Variants in EDN1 observed in about 807,000 individuals in gnomAD.
EDN1 encodes the protein endothelin-1.
Under a neutral mutation model 21.7 loss-of-function variants are expected in EDN1, and 11 were observed. That is an observed-to-expected ratio of 0.51 (90% confidence interval 0.32 to 0.84). EDN1 has a LOEUF of 0.84. Ranked by LOEUF, EDN1 falls within the 40% of genes least tolerant of loss-of-function variation. The pLI is 0.03. For missense variants in EDN1, 244 were observed against 262.3 expected, an observed-to-expected ratio of 0.93 and a Z score of 0.48; for synonymous variants, 85 against 90.6, an observed-to-expected ratio of 0.94 and a Z score of 0.35.
the EDN1 span, among the ~76,000 whole-genome samples, chr6:12,270,568 A>G: frequency 5.9e-5 from 9 of 152,048 alleles, no homozygotes; most frequent in African/African-American, 2.2e-4. Context: ...TAATTTCTAT[A>G]TATTTGTATG....
At chr6:12,282,432 C>A in the EDN1 span, among the ~76,000 whole-genome samples, 1 of 152,178 alleles carries the variant, frequency 6.6e-6, no homozygotes, top group Non-Finnish European at 1.5e-5. Context: ...TCATGAGATC[C>A]TTTCCACTTT....
the EDN1 span, among the ~76,000 whole-genome samples, chr6:12,273,105 G>A: frequency 6.6e-6 from 1 of 152,210 alleles, no homozygotes; most frequent in African/African-American, 2.4e-5. Flanking sequence ...GGGAACCCAT[G>A]GTGTGCACTG....
the EDN1 span, among the ~76,000 whole-genome samples, chr6:12,233,788 AAT>A: frequency 1.3e-5 from 2 of 152,160 alleles, no homozygotes; most frequent in African/African-American, 4.8e-5. Context: ...TGGGCTTTGA[AAT>A]ACCTTGGGGT....
chr6:12,255,515 A>G, the EDN1 span, among the ~76,000 whole-genome samples: 7 of 152,250 alleles, frequency 4.6e-5, no homozygotes, highest in African/African-American at 1.2e-4. Context: ...GAAGTCTAAT[A>G]TCACCATGAC....
chr6:12,292,215 G>T (rs1762700313), intron 1 of EDN1, 126 bp from the exon 2 acceptor site: 2 of 1,347,506 alleles, frequency 1.5e-6, no homozygotes, highest in Admixed American at 3.5e-5. Context: ...TGTGTTTCTT[G>T]CTGATGGCAG....
the EDN1 span, among the ~76,000 whole-genome samples, chr6:12,281,210 T>C: frequency 6.6e-5 from 10 of 152,332 alleles, no homozygotes; most frequent in Middle Eastern, 6.8e-3. Context: ...TTCCATAAAT[T>C]GGATTTTGAT....
chr6:12,240,781 C>A, the EDN1 span, among the ~76,000 whole-genome samples: 1 of 152,144 alleles, frequency 6.6e-6, no homozygotes, highest in Non-Finnish European at 1.5e-5. Flanking sequence ...TTCTGTGAAC[C>A]TGAAAGAACC....
At chr6:12,240,898 A>T in the EDN1 span, among the ~76,000 whole-genome samples, 1 of 152,160 alleles carries the variant, frequency 6.6e-6, no homozygotes, top group African/African-American at 2.4e-5. Flanking sequence ...TGGAACACAG[A>T]TGTGATGGCT....
chr6:12,241,533 G>A, the EDN1 span, among the ~76,000 whole-genome samples: 1 of 151,954 alleles, frequency 6.6e-6, no homozygotes, highest in Non-Finnish European at 1.5e-5. Flanking sequence ...AGTACAACTG[G>A]GTTTTTATAG....
At position 12,296,118 on chromosome 6, in the gene EDN1, G is replaced by A; in HGVS notation, c.*51G>A. 2 of 1,515,188 alleles carry A rather than the reference G, an allele frequency of 1.3e-6. No homozygotes were observed. Among genetic ancestry groups the A allele is most frequent in the Non-Finnish European group, 1.8e-6 (2 of 1,090,808 alleles). 93.9% of individuals were successfully genotyped at this position (1,515,188 alleles called of 1,614,324 possible). On this transcript the variant is annotated 3_prime_UTR_variant, in exon 5 of 5. Transcript: ENST00000379375. ...CATAGCCTCCACGGAGAGCCCTGTGGCCGACTCTGCACTCTCCACCCTGGC... is the reference window on the plus strand; with the variant it reads ...CATAGCCTCCACGGAGAGCCCTGTGACCGACTCTGCACTCTCCACCCTGGC...
the EDN1 span, among the ~76,000 whole-genome samples, chr6:12,283,128 T>C: frequency 3.3e-5 from 5 of 152,224 alleles, no homozygotes; most frequent in East Asian, 3.8e-4. Flanking sequence ...TTGGAGCATG[T>C]GGAATTAAAT....
At chr6:12,255,855 G>C in the EDN1 span, among the ~76,000 whole-genome samples, 1 of 152,180 alleles carries the variant, frequency 6.6e-6, no homozygotes, top group Non-Finnish European at 1.5e-5. Flanking sequence ...GAGAGAGTGT[G>C]TTTGCTAAAT....
Position 12,296,113 on chromosome 6 carries a change from C to A in EDN1, c.*46C>A. On this transcript the variant is annotated 3_prime_UTR_variant, in exon 5 of 5. Transcript: ENST00000379375. Reference sequence around the variant, plus strand: ...GAAGCCATAGCCTCCACGGAGAGCCCTGTGGCCGACTCTGCACTCTCCACC... The same window carrying A: ...GAAGCCATAGCCTCCACGGAGAGCCATGTGGCCGACTCTGCACTCTCCACC... 6.5e-7 allele frequency: 1 copy of A among 1,537,734 alleles called. No homozygotes were observed. Among genetic ancestry groups the A allele is most frequent in the African/African-American group, 1.4e-5 (1 of 73,444 alleles).
At chr6:12,264,503 G>C in the EDN1 span, among the ~76,000 whole-genome samples, 1 of 152,296 alleles carries the variant, frequency 6.6e-6, no homozygotes, top group Middle Eastern at 3.4e-3. Flanking sequence ...GAATTGAAGA[G>C]AGAGTGCTCT....
the EDN1 span, among the ~76,000 whole-genome samples, chr6:12,259,637 C>T: frequency 1.3e-5 from 2 of 151,626 alleles, no homozygotes; most frequent in Non-Finnish European, 2.9e-5. Context: ...ATTAATCTTT[C>T]AGATAGACAC....
chr6:12,264,533 T>G, the EDN1 span, among the ~76,000 whole-genome samples: 1 of 152,194 alleles, frequency 6.6e-6, no homozygotes, highest in African/African-American at 2.4e-5. Flanking sequence ...GTGTCCAATC[T>G]TTTGGCTTCC....
At chr6:12,267,992 A>G in the EDN1 span, among the ~76,000 whole-genome samples, 1 of 152,200 alleles carries the variant, frequency 6.6e-6, no homozygotes, top group African/African-American at 2.4e-5. Flanking sequence ...ATGACAGTAC[A>G]TCTATTTACA....
At chr6:12,262,967 A>C in the EDN1 span, among the ~76,000 whole-genome samples, 10 of 152,038 alleles carry the variant, frequency 6.6e-5, no homozygotes, top group Admixed American at 6.5e-4. Flanking sequence ...CACAATTCAA[A>C]GTGGGTGGTG....
chr6:12,251,009 A>G, the EDN1 span, among the ~76,000 whole-genome samples: 1 of 152,220 alleles, frequency 6.6e-6, no homozygotes, highest in African/African-American at 2.4e-5. Flanking sequence ...CTGAGACTGA[A>G]AGGTTTGCTA....
Sources: allele counts gnomAD v4.1 joint callset (sites outside exome capture counted in the v4.1 genomes callset), GRCh38; gene constraint gnomAD v4.1.1; transcripts MANE v1.5; gene names NCBI Gene and HGNC (gene_info 2026-07-23, HGNC 2026-07-21).